The following MSRA variants were observed in gnomAD, a reference collection of about 807,000 sequenced individuals.
MSRA encodes the protein mitochondrial peptide methionine sulfoxide reductase.
Under a neutral mutation model 31.3 loss-of-function variants are expected in MSRA, and 54 were observed. That is an observed-to-expected ratio of 1.73 (90% CI 1.39 to 2.17). MSRA has a LOEUF of 2.17. MSRA is among the 30% of genes most tolerant of loss of function. The pLI, the probability that MSRA is intolerant of heterozygous loss-of-function variation, is 0.00. For synonymous variants in MSRA, 169 were observed against 116.5 expected (o/e 1.45, Z -2.90); for missense variants, 507 against 300.9 (o/e 1.69, Z -5.07).
chr8:10,242,727 C>T (rs926847946), intron 2 of MSRA, among the ~76,000 whole-genome samples: 1 of 152,154 alleles, frequency 6.6e-6, no homozygotes. Flanking sequence ...TAAACACACA[C>T]ACACACATTT....
chr8:10,313,035 A>G (rs6601431), intron 4 of MSRA, among the ~76,000 whole-genome samples: 59,088 of 152,040 alleles, frequency 0.39, 12,281 homozygotes, highest in East Asian at 0.66. Flanking sequence ...GAAAGAATAC[A>G]TGTATGCTGA....
intron 1 of MSRA, among the ~76,000 whole-genome samples, chr8:10,094,126 G>A (rs1363927347): frequency 6.6e-6 from 1 of 152,196 alleles, no homozygotes; most frequent in East Asian, 1.9e-4. Flanking sequence ...CCTATTTGAA[G>A]GGACAGCATG....
chr8:10,339,807 C>G (rs973230507), intron 5 of MSRA, among the ~76,000 whole-genome samples: 2 of 151,070 alleles, frequency 1.3e-5, no homozygotes, highest in African/African-American at 4.9e-5. Flanking sequence ...TCCCAAAGTG[C>G]TGGGATTACA....
At chr8:10,234,678 T>C (rs1012385808) in intron 2 of MSRA, among the ~76,000 whole-genome samples, 2 of 152,074 alleles carry the variant, frequency 1.3e-5, no homozygotes, top group African/African-American at 2.4e-5. Flanking sequence ...AATCCTGTTA[T>C]ATGCTGCTTA....
chr8:10,425,060 C>T (rs996609104), intron 5 of MSRA, among the ~76,000 whole-genome samples: 1 of 152,178 alleles, frequency 6.6e-6, no homozygotes, highest in African/African-American at 2.4e-5. Context: ...CAGGAAGACA[C>T]TAGATGTGAC....
intron 3 of MSRA, among the ~76,000 whole-genome samples, chr8:10,298,355 T>G (rs959268328): frequency 6.6e-6 from 1 of 151,966 alleles, no homozygotes; most frequent in Non-Finnish European, 1.5e-5. Flanking sequence ...TTACGCCGAG[T>G]TAAGTAAGAC....
intron 5 of MSRA, among the ~76,000 whole-genome samples, chr8:10,379,856 T>C (rs1409726053): frequency 2.6e-5 from 4 of 152,268 alleles, no homozygotes; most frequent in South Asian, 2.1e-4. Flanking sequence ...AAATTCGAAC[T>C]TCATGACATA....
At chr8:10,418,582 G>A (rs938603156) in intron 5 of MSRA, among the ~76,000 whole-genome samples, 1 of 152,064 alleles carries the variant, frequency 6.6e-6, no homozygotes, top group Non-Finnish European at 1.5e-5. Flanking sequence ...TCTGGGTAGA[G>A]TGTCCAAAGC....
chr8:10,163,917 G>C (rs918887102), intron 1 of MSRA, among the ~76,000 whole-genome samples: 1 of 152,220 alleles, frequency 6.6e-6, no homozygotes, highest in Admixed American at 6.5e-5. Context: ...AACATGCTAC[G>C]TGTCATCTAG....
intron 2 of MSRA, among the ~76,000 whole-genome samples, chr8:10,243,309 C>T (rs556244693): frequency 6.6e-6 from 1 of 152,118 alleles, no homozygotes; most frequent in Middle Eastern, 3.2e-3. Flanking sequence ...CTGGAGCTCT[C>T]GTGGTCATTT....
intron 4 of MSRA, among the ~76,000 whole-genome samples, chr8:10,317,181 T>C (rs1164019526): frequency 2.0e-5 from 3 of 152,240 alleles, no homozygotes; most frequent in Admixed American, 6.5e-5. Context: ...CCTGAGGCGT[T>C]GTTCCTGACT....
At chr8:10,252,760 C>G (rs532700613) in intron 3 of MSRA, among the ~76,000 whole-genome samples, 10 of 152,294 alleles carry the variant, frequency 6.6e-5, no homozygotes, top group African/African-American at 2.2e-4. Flanking sequence ...CGCACCTGCT[C>G]CAGTTTACAG....
At chr8:10,385,621 G>C (rs1277022198) in intron 5 of MSRA, among the ~76,000 whole-genome samples, 1 of 152,182 alleles carries the variant, frequency 6.6e-6, no homozygotes, top group Admixed American at 6.5e-5. Context: ...CTGGCTCCCA[G>C]AGTTCAGTGG....
intron 5 of MSRA, among the ~76,000 whole-genome samples, chr8:10,349,098 A>G (rs981848034): frequency 1.3e-4 from 20 of 152,382 alleles, no homozygotes; most frequent in African/African-American, 4.6e-4. Context: ...ATTCATTCTA[A>G]AACATGATTA....
At chr8:10,166,743 C>G (rs1805165001) in intron 1 of MSRA, among the ~76,000 whole-genome samples, 1 of 152,150 alleles carries the variant, frequency 6.6e-6, no homozygotes. Context: ...ACCATCTTAG[C>G]TGGGCCCTTG....
chr8:10,304,561 G>A (rs1483960050), intron 4 of MSRA, among the ~76,000 whole-genome samples: 1 of 152,238 alleles, frequency 6.6e-6, no homozygotes, highest in Non-Finnish European at 1.5e-5. Flanking sequence ...CATGTCAAGT[G>A]TCATTTTTCC....
chr8:10,283,836 T>TATATATATATATATATATACACACACAC (rs1261287031), intron 3 of MSRA, among the ~76,000 whole-genome samples: 1 of 53,162 alleles, frequency 1.9e-5, no homozygotes, highest in Admixed American at 2.5e-4. Flanking sequence ...TATATATATA[T>TATATATATATATATATATACACACACAC]ACACACACAC....
In MSRA at chr8:10,155,000, T is replaced by TATATATATATATATATATATATATATATA. The variant is rs1554468796; in HGVS notation, c.143-52833_143-52832insATATATATATATATATATATATATATATA. On this transcript the variant is annotated intron_variant, in intron 1 of 5. Coordinates refer to ENST00000317173, the MANE Select transcript of MSRA (RefSeq NM_012331.5). Reference sequence around the variant, plus strand: ...TTAATAGTTTGATAATGTGTATATATTTTATATATATATAGGTTTTACCTT... The same window carrying TATATATATATATATATATATATATATATA: ...TTAATAGTTTGATAATGTGTATATATATATATATATATATATATATATATATATATTTATATATATATAGGTTTTACCTT... 3.7e-4 allele frequency among the ~76,000 whole-genome samples: 36 copies of TATATATATATATATATATATATATATATA among 98,432 alleles called. 1 individual carries two copies. Among genetic ancestry groups the TATATATATATATATATATATATATATATA allele is most frequent in the Admixed American group, 1.2e-3 (12 of 9,716 alleles). 64.6% of individuals were successfully genotyped at this position (98,432 alleles called of 152,430 possible).
intron 5 of MSRA, among the ~76,000 whole-genome samples, chr8:10,383,810 C>T (rs751068759): frequency 6.6e-6 from 1 of 152,170 alleles, no homozygotes; most frequent in Non-Finnish European, 1.5e-5. Flanking sequence ...CTTGCTGTCA[C>T]CTTCATTTTG....
Sources: gnomAD v4.1 joint callset for allele counts (sites outside exome capture counted in the v4.1 genomes callset) on GRCh38, gnomAD v4.1.1 for gene constraint, MANE v1.5 for transcripts, NCBI Gene and HGNC (gene_info 2026-07-23, HGNC 2026-07-21) for gene names.